Variants in KCNH7 observed in about 807,000 individuals in gnomAD.
The protein encoded by KCNH7 is voltage-gated inwardly rectifying potassium channel KCNH7.
KCNH7 carries 49 observed loss-of-function variants against 120.8 expected under a neutral mutation model. That is an observed-to-expected ratio of 0.41 (90% CI 0.32 to 0.51). KCNH7 has a LOEUF of 0.51. Ranked by LOEUF, KCNH7 falls within the 20% of genes least tolerant of loss-of-function variation. KCNH7 has a pLI of 0.38. For synonymous variants in KCNH7, 547 were observed against 516.1 expected (o/e 1.06, Z -0.81); for missense variants, 1,097 against 1,446.6 (o/e 0.76, Z 3.92).
chr2:162,444,434 G>T (rs1220152429), intron 7 of KCNH7, among the ~76,000 whole-genome samples: 2 of 152,116 alleles, frequency 1.3e-5, no homozygotes, highest in Non-Finnish European at 2.9e-5. Flanking sequence ...TAGTACTTTA[G>T]CTTCCTAGGC....
At chr2:162,509,762 C>T (rs1564952) in intron 5 of KCNH7, among the ~76,000 whole-genome samples, 136,947 of 151,486 alleles carry the variant, frequency 0.9, 63,540 homozygotes, top group East Asian at 1. Context: ...TCATTTATTT[C>T]ATTTATGAGT....
chr2:162,586,668 T>A (rs1370553832), intron 2 of KCNH7, among the ~76,000 whole-genome samples: 1 of 151,812 alleles, frequency 6.6e-6, no homozygotes, highest in Non-Finnish European at 1.5e-5. Flanking sequence ...TCTTTCCTTT[T>A]TTTTTTTTTT....
intron 6 of KCNH7, among the ~76,000 whole-genome samples, chr2:162,497,912 A>G (rs1558978422): frequency 6.6e-6 from 1 of 152,168 alleles, no homozygotes. Flanking sequence ...TGAATCCTAA[A>G]TGTTGGGAAT....
At chr2:162,414,117 C>A (rs1312872229) in intron 9 of KCNH7, among the ~76,000 whole-genome samples, 5 of 151,884 alleles carry the variant, frequency 3.3e-5, no homozygotes, top group African/African-American at 1.2e-4. Context: ...AGAACCATAA[C>A]ACCCAGCGCT....
intron 2 of KCNH7, among the ~76,000 whole-genome samples, chr2:162,820,812 T>G (rs1559149351): frequency 6.6e-6 from 1 of 152,326 alleles, no homozygotes; most frequent in East Asian, 1.9e-4. Flanking sequence ...TAATTTTGAT[T>G]TTTTGATATC....
chr2:162,443,185 T>G (rs1688478845), intron 7 of KCNH7, among the ~76,000 whole-genome samples: 1 of 152,204 alleles, frequency 6.6e-6, no homozygotes, highest in Non-Finnish European at 1.5e-5. Context: ...TAGAAGCTGA[T>G]CCAAACCAAT....
In KCNH7 at chr2:162,800,983, G is replaced by A. The variant is rs114315948; in HGVS notation, c.307+35554C>T. Among the ~76,000 whole-genome samples, 733 of 151,888 alleles carry A rather than the reference G, an allele frequency of 4.8e-3. 9 individuals carry two copies. Among genetic ancestry groups the A allele is most frequent in the African/African-American group, 0.017 (695 of 41,478 alleles). ...TGGCTTTTCTCTCCTTGTAAGAAAGGATAAATGCTACATACAAATATTGAC... is the reference window on the plus strand; with the variant it reads ...TGGCTTTTCTCTCCTTGTAAGAAAGAATAAATGCTACATACAAATATTGAC... On this transcript the variant is annotated intron_variant, in intron 2 of 15. Transcript: ENST00000332142.
chr2:162,657,787 T>G (rs1684815813), intron 2 of KCNH7, among the ~76,000 whole-genome samples: 1 of 152,046 alleles, frequency 6.6e-6, no homozygotes, highest in African/African-American at 2.4e-5. Context: ...TCCATTCTCA[T>G]TTAGGTTTAC....
At chr2:162,683,890 C>T (rs891045154) in intron 2 of KCNH7, among the ~76,000 whole-genome samples, 6 of 151,940 alleles carry the variant, frequency 3.9e-5, no homozygotes, top group African/African-American at 7.2e-5. Flanking sequence ...ATAGCCAAGA[C>T]AATCCTAAGC....
intron 2 of KCNH7, among the ~76,000 whole-genome samples, chr2:162,829,249 C>T (rs1264597315): frequency 6.6e-6 from 1 of 152,036 alleles, no homozygotes; most frequent in Admixed American, 6.6e-5. Flanking sequence ...ATGCAGACAG[C>T]ACAGTAAAGA....
chr2:162,417,628 G>T (rs1370909654), intron 9 of KCNH7, among the ~76,000 whole-genome samples: 1 of 152,096 alleles, frequency 6.6e-6, no homozygotes, highest in Non-Finnish European at 1.5e-5. Context: ...AATATGGAAA[G>T]CTCTAGGGCA....
intron 2 of KCNH7, among the ~76,000 whole-genome samples, chr2:162,645,662 C>G (rs1486991365): frequency 6.6e-6 from 1 of 152,106 alleles, no homozygotes; most frequent in Non-Finnish European, 1.5e-5. Context: ...GTGTATTTCT[C>G]CCCTACTTTC....
intron 2 of KCNH7, among the ~76,000 whole-genome samples, chr2:162,569,461 T>C (rs1366480419): frequency 2.1e-5 from 3 of 141,758 alleles, no homozygotes; most frequent in East Asian, 2.1e-4. Flanking sequence ...TCAATTTTGT[T>C]GATCCTTTCA....
chr2:162,789,557 A>G (rs1024861213), intron 2 of KCNH7, among the ~76,000 whole-genome samples: 1 of 152,052 alleles, frequency 6.6e-6, no homozygotes, highest in African/African-American at 2.4e-5. Flanking sequence ...AGCGGAATAC[A>G]TGTTCTTCTC....
chr2:162,463,919 A>G (rs1689230911), intron 6 of KCNH7, among the ~76,000 whole-genome samples: 1 of 152,010 alleles, frequency 6.6e-6, no homozygotes. Context: ...TCCAAGGGAG[A>G]AAACAAATCA....
intron 6 of KCNH7, among the ~76,000 whole-genome samples, chr2:162,468,446 T>C (rs1689379812): frequency 1.3e-5 from 2 of 151,836 alleles, no homozygotes; most frequent in African/African-American, 2.4e-5. Context: ...CAACAAAATA[T>C]CTTGGCAGAA....
intron 2 of KCNH7, among the ~76,000 whole-genome samples, chr2:162,820,875 A>G (rs539700733): frequency 2.2e-4 from 33 of 152,088 alleles, no homozygotes; most frequent in Non-Finnish European, 4.1e-4. Context: ...AATACATGAG[A>G]ACTAATGAAT....
chr2:162,580,450 G>C (rs1232508144), intron 2 of KCNH7, among the ~76,000 whole-genome samples: 1 of 151,940 alleles, frequency 6.6e-6, no homozygotes, highest in Non-Finnish European at 1.5e-5. Context: ...ATATGAACAG[G>C]GGAGGCTTCA....
At chr2:162,832,738 A>C (rs774111385) in intron 2 of KCNH7, among the ~76,000 whole-genome samples, 6 of 152,076 alleles carry the variant, frequency 3.9e-5, no homozygotes, top group African/African-American at 7.2e-5. Context: ...GGCACTCAAT[A>C]TACATCTTCA....
Sources: gnomAD v4.1 joint callset for allele counts (sites outside exome capture counted in the v4.1 genomes callset) on GRCh38, gnomAD v4.1.1 for gene constraint, MANE v1.5 for transcripts, NCBI Gene and HGNC (gene_info 2026-07-23, HGNC 2026-07-21) for gene names.